Variants in SLC35F4 observed in about 807,000 individuals in gnomAD.
SLC35F4 encodes solute carrier family 35 member F4, also known as chromosome 14 open reading frame 36.
SLC35F4 carries 24 observed loss-of-function variants against 44.2 expected under a neutral mutation model. That is an observed-to-expected ratio of 0.54 (90% confidence interval 0.39 to 0.76). The LOEUF (loss-of-function observed/expected upper bound fraction) is 0.76. SLC35F4 is among the 30% of genes least tolerant of loss of function. SLC35F4 has a pLI of 0.00. For synonymous variants in SLC35F4, 238 were observed against 223.6 expected (o/e 1.06, Z -0.57); for missense variants, 562 against 586.1 (o/e 0.96, Z 0.42).
intron 1 of SLC35F4, among the ~76,000 whole-genome samples, chr14:57,716,395 C>T (rs1295641886): frequency 6.6e-6 from 1 of 152,016 alleles, no homozygotes; most frequent in East Asian, 1.9e-4. Context: ...AAAATCAGAC[C>T]TTGGCGATGA....
intron 1 of SLC35F4, among the ~76,000 whole-genome samples, chr14:57,666,418 T>C (rs2074311386): frequency 6.6e-6 from 1 of 152,178 alleles, no homozygotes; most frequent in African/African-American, 2.4e-5. Context: ...AAGCCAGGGC[T>C]TTCAGTCCTA....
intron 1 of SLC35F4, among the ~76,000 whole-genome samples, chr14:57,772,416 T>C (rs1451348540): frequency 6.6e-6 from 1 of 152,186 alleles, no homozygotes; most frequent in African/African-American, 2.4e-5. Context: ...TGTGCTTGTT[T>C]GTTATATGGG....
At chr14:57,771,311 A>C (rs1206780194) in intron 1 of SLC35F4, among the ~76,000 whole-genome samples, 2 of 152,256 alleles carry the variant, frequency 1.3e-5, no homozygotes, top group African/African-American at 4.8e-5. Flanking sequence ...CTCATTTCTC[A>C]TGTGCAGTCT....
intron 1 of SLC35F4, among the ~76,000 whole-genome samples, chr14:57,734,272 A>T (rs1359677852): frequency 6.6e-6 from 1 of 152,120 alleles, no homozygotes; most frequent in African/African-American, 2.4e-5. Context: ...CTGAGCCTCA[A>T]CCCTTTTTAT....
At chr14:57,923,129 G>C in intron 1 of SLC35F4, among the ~76,000 whole-genome samples, 1 of 152,208 alleles carries the variant, frequency 6.6e-6, no homozygotes, top group East Asian at 1.9e-4. Flanking sequence ...ATAAGAAAAG[G>C]CTCTAGAATT....
intron 1 of SLC35F4, among the ~76,000 whole-genome samples, chr14:57,659,039 T>C (rs17725022): frequency 0.061 from 9,216 of 152,258 alleles, 414 homozygotes; most frequent in South Asian, 0.091. Flanking sequence ...CAGATATCAT[T>C]GTCTAGGGAA....
intron 1 of SLC35F4, among the ~76,000 whole-genome samples, chr14:57,777,883 T>A (rs1466379620): frequency 6.6e-6 from 1 of 151,976 alleles, no homozygotes; most frequent in African/African-American, 2.4e-5. Context: ...ATGACACCCA[T>A]AAACTCAAAA....
intron 1 of SLC35F4, among the ~76,000 whole-genome samples, chr14:57,862,043 A>C (rs1315575233): frequency 6.6e-6 from 1 of 152,100 alleles, no homozygotes; most frequent in Non-Finnish European, 1.5e-5. Context: ...AGTATCTCTA[A>C]AACGTTATCC....
At chr14:57,806,335 G>T (rs1322332284) in intron 1 of SLC35F4, among the ~76,000 whole-genome samples, 2 of 152,058 alleles carry the variant, frequency 1.3e-5, no homozygotes, top group Non-Finnish European at 2.9e-5. Flanking sequence ...AGTTGACATT[G>T]CCTTATAGTA....
At chr14:57,630,148 TAC>T (rs1266319779) in intron 1 of SLC35F4, 1 of 555,040 alleles carries the variant, frequency 1.8e-6, no homozygotes, top group South Asian at 1.4e-5. Flanking sequence ...CAGATTAAAA[TAC>T]AGTTTGCCTA....
intron 4 of SLC35F4, 96 bp downstream of exon 4, chr14:57,581,118 T>C (rs774209979): frequency 3.1e-6 from 4 of 1,299,590 alleles, no homozygotes; most frequent in Middle Eastern, 2.1e-4. Flanking sequence ...AGAAAAGTTT[T>C]ACAGCAACTC....
rs139736645 is a variant in SLC35F4, at chr14:57,687,996, G to A, written c.104-93872C>T. Among the ~76,000 whole-genome samples the A allele has an allele frequency of 1.5e-3, 222 of 152,266 alleles. 1 individual carries two copies. Among genetic ancestry groups the A allele is most frequent in the Middle Eastern group, 6.8e-3 (2 of 294 alleles). On this transcript the variant is annotated intron_variant, in intron 1 of 7. Coordinates refer to ENST00000556826, the MANE Select transcript of SLC35F4 (RefSeq NM_001306087.2). ...ATCAATATGGACTTGCTTCCAGAGA[G>A]GGATAGTTCTCAATTCCAGTGCACA...
Position 57,566,457 on chromosome 14 carries a change from G to C in SLC35F4, c.1216+18C>G. On this transcript the variant is annotated intron_variant, in intron 7 of 7. Coordinates refer to ENST00000556826, the MANE Select transcript of SLC35F4 (RefSeq NM_001306087.2). ...CTTGTAGTGGCCAGGATCTGCACAT[G>C]TCACATGGTGCCTGTACCTGCATTT... is the stretch of plus-strand genomic sequence containing the variant. 1 of 1,574,658 alleles carries C rather than the reference G, an allele frequency of 6.4e-7. No individual in the cohort carries two copies. The highest frequency in any genetic ancestry group is 2.3e-5 in the East Asian group (1 of 42,970).
intron 1 of SLC35F4, among the ~76,000 whole-genome samples, chr14:57,890,622 G>GT (rs1461961438): frequency 1.3e-5 from 2 of 152,108 alleles, no homozygotes; most frequent in Non-Finnish European, 2.9e-5. Context: ...AGGCCTCTCT[G>GT]AAACACACAA....
chr14:57,664,131 G>C (rs1467305772), intron 1 of SLC35F4, among the ~76,000 whole-genome samples: 1 of 152,112 alleles, frequency 6.6e-6, no homozygotes, highest in Non-Finnish European at 1.5e-5. Flanking sequence ...ACCACCTACA[G>C]GGACATTTAC....
intron 1 of SLC35F4, among the ~76,000 whole-genome samples, chr14:57,758,363 C>CT (rs1274478813): frequency 1.6e-4 from 24 of 151,650 alleles, no homozygotes; most frequent in Admixed American, 1.6e-3. Context: ...TTTTCTTAGT[C>CT]TTTTTTCTCT....
chr14:57,896,667 C>G (rs998278716), intron 1 of SLC35F4, among the ~76,000 whole-genome samples: 2 of 151,968 alleles, frequency 1.3e-5, no homozygotes, highest in East Asian at 3.9e-4. Flanking sequence ...GCAGTAGAGA[C>G]TAGCAGGAGT....
At chr14:57,835,744 G>A (rs187647293) in intron 1 of SLC35F4, among the ~76,000 whole-genome samples, 5 of 152,206 alleles carry the variant, frequency 3.3e-5, no homozygotes, top group East Asian at 1.9e-4. Flanking sequence ...GATCACCCAC[G>A]AACACCTCTC....
chr14:57,787,882 G>A (rs986711571), intron 1 of SLC35F4, among the ~76,000 whole-genome samples: 1 of 151,990 alleles, frequency 6.6e-6, no homozygotes, highest in Non-Finnish European at 1.5e-5. Context: ...AAGTACACAC[G>A]CAACAAAGAG....
Sources: allele counts gnomAD v4.1 joint callset (sites outside exome capture counted in the v4.1 genomes callset), GRCh38; gene constraint gnomAD v4.1.1; transcripts MANE v1.5; gene names NCBI Gene and HGNC (gene_info 2026-07-23, HGNC 2026-07-21).